HECTD4: variants seen among roughly 807,000 people sequenced by gnomAD.
HECTD4 encodes HECT domain E3 ubiquitin protein ligase 4.
Under a neutral mutation model 471.5 loss-of-function variants are expected in HECTD4, and 114 were observed. The ratio of observed to expected loss-of-function variants is 0.24; its 90% CI spans 0.21 to 0.28. HECTD4 has a LOEUF of 0.28. Among genes scored for constraint, HECTD4 ranks in the 10% least tolerant of loss-of-function variants. The pLI, the probability that HECTD4 is intolerant of heterozygous loss-of-function variation, is 1.00. For synonymous variants in HECTD4, 2,012 were observed against 2,256.0 expected, an observed-to-expected ratio of 0.89 and a Z score of 3.07; for missense variants, 3,866 against 5,651.5, an observed-to-expected ratio of 0.68 and a Z score of 10.13.
intron 1 of HECTD4, among the ~76,000 whole-genome samples, chr12:112,355,261 C>T (rs2036313536): frequency 7.0e-6 from 1 of 143,174 alleles, no homozygotes; most frequent in South Asian, 2.2e-4. Flanking sequence ...AGGTGTGAGC[C>T]ACCGCGCCGG....
At chr12:112,352,177 C>T (rs914029403) in intron 1 of HECTD4, among the ~76,000 whole-genome samples, 2 of 152,020 alleles carry the variant, frequency 1.3e-5, no homozygotes, top group Non-Finnish European at 1.5e-5. Context: ...GAAGAAAATA[C>T]CTATGGTGGC....
chr12:112,219,016 G>A (rs1813776944), intron 45 of HECTD4, among the ~76,000 whole-genome samples: 2 of 152,010 alleles, frequency 1.3e-5, no homozygotes, highest in South Asian at 4.1e-4. Context: ...TTACAGGCGT[G>A]AGCCACCATG....
At chr12:112,302,478 G>A (rs533333573) in intron 7 of HECTD4, 2 of 744,948 alleles carry the variant, frequency 2.7e-6, no homozygotes, top group Admixed American at 3.5e-5. Flanking sequence ...GCTCTCTGCT[G>A]CTGCAACCTG....
intron 1 of HECTD4, among the ~76,000 whole-genome samples, chr12:112,343,871 A>G (rs974020593): frequency 6.6e-6 from 1 of 152,236 alleles, no homozygotes; most frequent in African/African-American, 2.4e-5. Context: ...GCTGAGTGAT[A>G]TACATGTGAA....
intron 1 of HECTD4, among the ~76,000 whole-genome samples, chr12:112,367,306 A>AAGAAAG (rs1555261540): frequency 7.5e-6 from 1 of 133,832 alleles, no homozygotes; most frequent in Non-Finnish European, 1.6e-5. Context: ...CTCAAAAAAA[A>AAGAAAG]AAAGAAAGAA....
At position 112,216,253 on chromosome 12, in the gene HECTD4, C is replaced by A. The variant is rs763994254; in HGVS notation, c.7465+39G>T. 5 of 1,364,246 alleles carry A rather than the reference C, an allele frequency of 3.7e-6. No individual in the cohort carries two copies. In the South Asian group the frequency reaches 5.0e-5, roughly 14 times the overall value. 84.5% of individuals were successfully genotyped at this position (1,364,246 alleles called of 1,614,324 possible). On this transcript the variant is annotated intron_variant, in intron 48 of 75. Coordinates refer to ENST00000682272, the MANE Select transcript of HECTD4 (RefSeq NM_001388303.1). ...TGTTTAGACCCAAACCTGAGACCAA[C>A]AGAATCACACAGGGTGGAAAAGCTC...
At chr12:112,317,045 A>G (rs573156983) in intron 2 of HECTD4, among the ~76,000 whole-genome samples, 14 of 152,372 alleles carry the variant, frequency 9.2e-5, no homozygotes, top group African/African-American at 3.1e-4. Context: ...GTTTGAAACT[A>G]AAGAGTTGAT....
At chr12:112,320,826 C>G (rs1039563930) in intron 1 of HECTD4, among the ~76,000 whole-genome samples, 1 of 152,158 alleles carries the variant, frequency 6.6e-6, no homozygotes, top group African/African-American at 2.4e-5. Context: ...GGATTATTCA[C>G]GGTTCTTTGG....
intron 1 of HECTD4, among the ~76,000 whole-genome samples, chr12:112,354,396 C>T (rs2036296064): frequency 6.6e-6 from 1 of 152,050 alleles, no homozygotes; most frequent in African/African-American, 2.4e-5. Flanking sequence ...ATTCTTCACC[C>T]TGCCTCCTAA....
chr12:112,236,662 A>G (rs1487763904), intron 35 of HECTD4, among the ~76,000 whole-genome samples: 1 of 152,236 alleles, frequency 6.6e-6, no homozygotes, highest in South Asian at 2.1e-4. Context: ...AATGAATACA[A>G]CTGCATCTAT....
At chr12:112,176,812 T>G (rs2031466059) in intron 64 of HECTD4, 110 bp from the exon 65 acceptor site, 1 of 877,100 alleles carries the variant, frequency 1.1e-6, no homozygotes, top group Non-Finnish European at 1.9e-6. Context: ...AACTTAGGGC[T>G]TAGGGCTCAG....
chr12:112,314,240 C>T (rs2035434778), intron 3 of HECTD4, among the ~76,000 whole-genome samples: 1 of 151,798 alleles, frequency 6.6e-6, no homozygotes. Context: ...TTTTTAAAGA[C>T]ATAGAACTAA....
At chr12:112,209,239 A>G (rs1020462559) in intron 50 of HECTD4, among the ~76,000 whole-genome samples, 2 of 152,070 alleles carry the variant, frequency 1.3e-5, no homozygotes, top group African/African-American at 4.8e-5. Flanking sequence ...CTAGTATCCA[A>G]TGGGCCAAAT....
At position 112,179,782 on chromosome 12, in the gene HECTD4, C is replaced by T. The variant is rs1194173811; in HGVS notation, c.10988-385G>A. 1.3e-5 allele frequency among the ~76,000 whole-genome samples: 2 copies of T among 152,178 alleles called. No individual in the cohort carries two copies. The highest frequency in any genetic ancestry group is 2.4e-5 in the African/African-American group (1 of 41,450). On this transcript the variant is annotated intron_variant, in intron 62 of 75. Transcript: ENST00000682272. This position sits in a 1 kb window ranked among gnomAD's most constrained non-coding sequence, Gnocchi z 4.3. ...TCCACTGGACTTGAGCCATTGTCCT[C>T]CTGGGGCTATTTATCATAGCAGTTT...
intron 23 of HECTD4, 94 bp from the exon 24 acceptor site, chr12:112,251,228 G>A: frequency 8.1e-7 from 1 of 1,231,408 alleles, no homozygotes; most frequent in South Asian, 1.5e-5. Flanking sequence ...CCCAACCACA[G>A]GGTTCTACAG....
At chr12:112,218,313 A>G (rs1004023428) in intron 45 of HECTD4, among the ~76,000 whole-genome samples, 29 of 152,168 alleles carry the variant, frequency 1.9e-4, no homozygotes, top group Non-Finnish European at 3.8e-4. Context: ...GAGTTGTGCA[A>G]CCATTATCGT....
chr12:112,212,327 G>A (rs2032788032), intron 49 of HECTD4, among the ~76,000 whole-genome samples, 160 bp downstream of exon 49: 1 of 152,182 alleles, frequency 6.6e-6, no homozygotes, highest in Non-Finnish European at 1.5e-5. Flanking sequence ...CAACACAAAG[G>A]AAGACACACA....
At chr12:112,206,271 G>A (rs1206136253) in intron 52 of HECTD4, among the ~76,000 whole-genome samples, 2 of 152,082 alleles carry the variant, frequency 1.3e-5, no homozygotes, top group Non-Finnish European at 2.9e-5. Context: ...CGGGTGGGAA[G>A]ACTGTTTGAA....
At chr12:112,369,722 G>A (rs368255754) in intron 1 of HECTD4, among the ~76,000 whole-genome samples, 2 of 152,004 alleles carry the variant, frequency 1.3e-5, no homozygotes, top group African/African-American at 2.4e-5. Flanking sequence ...CACTAATACC[G>A]GGACTATAAT....
Sources: allele counts gnomAD v4.1 joint callset (sites outside exome capture counted in the v4.1 genomes callset), GRCh38; gene constraint gnomAD v4.1.1; non-coding constraint Gnocchi (gnomAD v3.1); transcripts MANE v1.5; gene names NCBI Gene and HGNC (gene_info 2026-07-23, HGNC 2026-07-21).